EREG: variants seen among roughly 807,000 people sequenced by gnomAD.
EREG encodes epiregulin, also known as proepiregulin.
In EREG, 23 loss-of-function variants were observed where a neutral mutation model predicts 22.4. The observed-to-expected ratio is 1.03, with a 90% CI of 0.74 to 1.46. EREG has a LOEUF of 1.46. Among genes scored for constraint, EREG ranks in the 40% most tolerant of loss-of-function variants. The pLI is 0.00. For missense variants in EREG, 226 were observed against 205.9 expected (o/e 1.10, Z -0.60); for synonymous variants, 100 against 75.4 (o/e 1.33, Z -1.69).
intron 4 of EREG, 79 bp downstream of exon 4, chr4:74,382,873 G>T: frequency 9.6e-7 from 1 of 1,042,990 alleles, no homozygotes; most frequent in Non-Finnish European, 1.4e-6. Flanking sequence ...GTAAAAATAT[G>T]GATAAAGTAT....
intron 1 of EREG, among the ~76,000 whole-genome samples, chr4:74,372,350 T>G (rs1185478155): frequency 2.0e-5 from 3 of 152,256 alleles, no homozygotes; most frequent in African/African-American, 7.2e-5. Context: ...TCTTGTTTTG[T>G]GTGCTCTCAC....
At chr4:74,372,995 T>G (rs1485421194) in intron 1 of EREG, among the ~76,000 whole-genome samples, 1 of 146,462 alleles carries the variant, frequency 6.8e-6, no homozygotes, top group Non-Finnish European at 1.5e-5. Flanking sequence ...TTTTTTTTTT[T>G]TTTTGGTATT....
chr4:74,381,409 C>A, intron 3 of EREG: 1 of 244,712 alleles, frequency 4.1e-6, no homozygotes, highest in African/African-American at 2.2e-5. Flanking sequence ...CTTGTGAGAA[C>A]ATGTGATAAA....
rs774261552 is a variant in EREG, at chr4:74,379,574, T to C, written c.154+40T>C. The C allele has an allele frequency of 5.1e-6, 6 of 1,174,626 alleles. No individual in the cohort carries two copies. The Admixed American group carries it at 1.0e-4, about 20-fold the overall frequency. 72.8% of individuals were successfully genotyped at this position (1,174,626 alleles called of 1,614,324 possible). A position where few individuals can be genotyped will look rare whatever the true frequency, so the allele number is the denominator to read the frequency against. The stretch of plus-strand genomic sequence containing the variant: ...GTCAATGTGGCATCAAGAGACTACA[T>C]ATTTTTAAACAGAAATATAAACTCA... On this transcript the variant is annotated intron_variant, in intron 2 of 4. Coordinates refer to ENST00000244869, the MANE Select transcript of EREG (RefSeq NM_001432.3).
Position 74,387,460 on chromosome 4 carries a change from T to G in EREG, c.*2652T>G, listed in dbSNP as rs1752588321. 1 of 152,250 alleles carries G rather than the reference T, an allele frequency of 6.6e-6. No individual in the cohort carries two copies. The highest frequency in any genetic ancestry group is 2.4e-5 in the African/African-American group (1 of 41,462). 9.4% of individuals were successfully genotyped at this position (152,250 alleles called of 1,614,324 possible). A position where few individuals can be genotyped will look rare whatever the true frequency, so the allele number is the denominator to read the frequency against. On this transcript the variant is annotated 3_prime_UTR_variant, in exon 5 of 5. Coordinates refer to ENST00000244869, the MANE Select transcript of EREG (RefSeq NM_001432.3). ...CATGTCAATTCATAAAAACAAGTCA[T>G]TTTTGTATTTTTCATCTTTAAGAAT...
In EREG at chr4:74,365,245, C is replaced by A; in HGVS notation, c.-64C>A. On this transcript the variant is annotated 5_prime_UTR_variant, in exon 1 of 5. Transcript: ENST00000244869. ...CCACTGCCGCGAGCCCGTCTGCTCCCGCCCTGCCCGTGCACTCTCCGCAGC... is the reference window on the plus strand; with the variant it reads ...CCACTGCCGCGAGCCCGTCTGCTCCAGCCCTGCCCGTGCACTCTCCGCAGC... The A allele has an allele frequency of 1.5e-6, 2 of 1,367,302 alleles. No homozygotes were observed. The highest frequency in any genetic ancestry group is 2.3e-5 in the East Asian group (1 of 42,656). 84.7% of individuals were successfully genotyped at this position (1,367,302 alleles called of 1,614,324 possible). A position where few individuals can be genotyped will look rare whatever the true frequency, so the allele number is the denominator to read the frequency against.
chr4:74,366,818 T>C (rs1320190565), intron 1 of EREG, among the ~76,000 whole-genome samples: 1 of 152,170 alleles, frequency 6.6e-6, no homozygotes, highest in African/African-American at 2.4e-5. Context: ...TTAATTATAG[T>C]TCATCTATTT....
rs757794241 is a variant in EREG, at chr4:74,379,528, G to A, written c.148G>A (p.Ala50Thr). 1 of 1,600,382 alleles carries A rather than the reference G, an allele frequency of 6.2e-7. No homozygotes were observed. Among genetic ancestry groups the A allele is most frequent in the Non-Finnish European group, 8.6e-7 (1 of 1,167,798 alleles). The change falls in exon 2 of 5, where the codon GCT becomes ACT. Residue 50 changes from alanine (A) to threonine (T), a missense_variant. By Grantham distance (58) the Ala-to-Thr change is moderately conservative. Coordinates refer to ENST00000244869, the MANE Select transcript of EREG (RefSeq NM_001432.3). ...AGGAGAGTCCAGTGATAACTGCACA[G>A]CTTTAGGTAAGCCCAAGTTTGTCAA... ...IPGESSDNCTALVQTEDNPRV... is the reference protein window; with the variant it reads ...IPGESSDNCTTLVQTEDNPRV...
Position 74,387,889 on chromosome 4 carries a change from C to A in EREG, c.*3081C>A, listed in dbSNP as rs538924563. ...CTATAACTAGTACTCAAGGTTTAAC[C>A]TTAAAATTAAGATTTCCTTAACCTT... On this transcript the variant is annotated 3_prime_UTR_variant, in exon 5 of 5. Transcript: ENST00000244869. The A allele has an allele frequency of 6.6e-6, 1 of 152,286 alleles. No homozygotes were observed. The highest frequency in any genetic ancestry group is 6.5e-5 in the Admixed American group (1 of 15,296). 9.4% of individuals were successfully genotyped at this position (152,286 alleles called of 1,614,324 possible).
At chr4:74,379,852 A>C (rs1301528089) in intron 2 of EREG, among the ~76,000 whole-genome samples, 1 of 152,188 alleles carries the variant, frequency 6.6e-6, no homozygotes, top group Non-Finnish European at 1.5e-5. Context: ...CACTGACTGG[A>C]TTCCAGGCAA....
At chr4:74,377,028 A>G (rs1752392552) in intron 1 of EREG, among the ~76,000 whole-genome samples, 1 of 152,168 alleles carries the variant, frequency 6.6e-6, no homozygotes. Context: ...ATCTTTCTTT[A>G]CAGTACCAAA....
chr4:74,378,811 C>T (rs762028817), intron 1 of EREG, among the ~76,000 whole-genome samples: 2 of 152,166 alleles, frequency 1.3e-5, no homozygotes, highest in Non-Finnish European at 2.9e-5. Context: ...GATGAAACAG[C>T]TGATTCAGAC....
rs969375152 is a variant in EREG at position 74,385,915 on chromosome 4, A to T, written c.*1107A>T. On this transcript the variant is annotated 3_prime_UTR_variant, in exon 5 of 5. Transcript: ENST00000244869. ...TTGTATCTTGACACAGGAAATGGGA[A>T]AAAACTTAAAAATTAATATGGTGTA... 5.1e-6 allele frequency: 2 copies of T among 395,696 alleles called. No homozygotes were observed. Among genetic ancestry groups the T allele is most frequent in the African/African-American group, 4.1e-5 (2 of 48,532 alleles). The allele number at this position is 395,696 out of a possible 1,614,324, so 24.5% of individuals were successfully genotyped here.
chr4:74,381,573 T>G (rs569558019), intron 3 of EREG: 24 of 152,600 alleles, frequency 1.6e-4, no homozygotes, highest in Middle Eastern at 6.8e-3. Flanking sequence ...TGCACACATA[T>G]GTCAGAGGTG....
rs1245570262 is a variant in EREG, at chr4:74,388,318, T to C, written c.*3510T>C. On this transcript the variant is annotated 3_prime_UTR_variant, in exon 5 of 5. Transcript: ENST00000244869. ...GTTCATATGGGAGAAGGGGGAGTAA[T>C]GACTTGTACAAACAGTATTTCTGGT... The C allele has an allele frequency of 2.6e-5, 4 of 152,356 alleles. No homozygotes were observed. The highest frequency in any genetic ancestry group is 3.4e-3 in the Middle Eastern group (1 of 294). The allele number at this position is 152,356 out of a possible 1,614,324, so 9.4% of individuals were successfully genotyped here.
In EREG at chr4:74,386,828, G is replaced by A. The variant is rs544809770; in HGVS notation, c.*2020G>A. The A allele has an allele frequency of 6.6e-6, 1 of 151,388 alleles. No homozygotes were observed. Among genetic ancestry groups the A allele is most frequent in the South Asian group, 2.1e-4 (1 of 4,776 alleles). The allele number at this position is 151,388 out of a possible 1,614,324, so 9.4% of individuals were successfully genotyped here. A position where few individuals can be genotyped will look rare whatever the true frequency, so the allele number is the denominator to read the frequency against. On this transcript the variant is annotated 3_prime_UTR_variant, in exon 5 of 5. Transcript: ENST00000244869. ...TCTTTTTGAGATGGAGTCTCGCTCT[G>A]TTGCCCAGGTTGGAGTGCAGTGGCA...
chr4:74,380,891 C>A, intron 2 of EREG, 123 bp from the exon 3 acceptor site: 1 of 1,020,412 alleles, frequency 9.8e-7, no homozygotes, highest in Non-Finnish European at 1.4e-6. Context: ...TCTCAAAATT[C>A]TCCTTGACAG....
chr4:74,367,758 C>T lies in EREG; in HGVS notation c.67+2383C>T, dbSNP rs141737064. 8.8e-4 allele frequency among the ~76,000 whole-genome samples: 134 copies of T among 152,216 alleles called. 1 individual carries two copies. The highest frequency in any genetic ancestry group is 3.0e-3 in the African/African-American group (123 of 41,518). ...TGAGATGACAAATCTTGTCAGAAAACGTGATGACAGGCCTTTCCTGTCTGG... is the reference window on the plus strand; with the variant it reads ...TGAGATGACAAATCTTGTCAGAAAATGTGATGACAGGCCTTTCCTGTCTGG... On this transcript the variant is annotated intron_variant, in intron 1 of 4. Transcript: ENST00000244869.
At chr4:74,376,966 A>G (rs189295917) in intron 1 of EREG, among the ~76,000 whole-genome samples, 1 of 152,356 alleles carries the variant, frequency 6.6e-6, no homozygotes, top group Admixed American at 6.5e-5. Flanking sequence ...CTTAACAGAT[A>G]CAAGCCTTCT....
Sources: allele counts gnomAD v4.1 joint callset (sites outside exome capture counted in the v4.1 genomes callset), GRCh38; gene constraint gnomAD v4.1.1; transcripts MANE v1.5; gene names NCBI Gene and HGNC (gene_info 2026-07-23, HGNC 2026-07-21).